OSBPL3: variants seen among roughly 807,000 people sequenced by gnomAD.
The protein encoded by OSBPL3 is oxysterol-binding protein-related protein 3.
In OSBPL3, 65 loss-of-function variants were observed where a neutral mutation model predicts 120.1. That is an observed-to-expected ratio of 0.54 (90% confidence interval 0.44 to 0.67). The LOEUF (loss-of-function observed/expected upper bound fraction) is 0.67, where lower values mean the gene tolerates loss of function less well. Ranked by LOEUF, OSBPL3 falls within the 30% of genes least tolerant of loss-of-function variation. The pLI, the probability that OSBPL3 is intolerant of heterozygous loss-of-function variation, is 0.00. For synonymous variants in OSBPL3, 416 were observed against 402.6 expected, an observed-to-expected ratio of 1.03 and a Z score of -0.40; for missense variants, 1,004 against 1,082.1, an observed-to-expected ratio of 0.93 and a Z score of 1.01.
At position 24,899,098 on chromosome 7, in the gene OSBPL3, G is replaced by A. The variant is rs893348793; in HGVS notation, c.-149-6477C>T. ...CTTTTCTTCTCCAGACTAAACAGCCGCATTGTCATCATCATCCATTTCTTA... is the reference window on the plus strand; with the variant it reads ...CTTTTCTTCTCCAGACTAAACAGCCACATTGTCATCATCATCCATTTCTTA... On this transcript the variant is annotated intron_variant, in intron 1 of 22. Transcript: ENST00000313367. The surrounding 1 kb of genome is among the most constrained non-coding windows in gnomAD (Gnocchi z 4.0). Among the ~76,000 whole-genome samples, 6 of 152,072 alleles carry A rather than the reference G, an allele frequency of 3.9e-5. No individual in the cohort carries two copies. The highest frequency in any genetic ancestry group is 2.1e-4 in the South Asian group (1 of 4,826).
At chr7:24,884,927 G>A (rs1804268869) in intron 2 of OSBPL3, among the ~76,000 whole-genome samples, 1 of 152,154 alleles carries the variant, frequency 6.6e-6, no homozygotes, top group Middle Eastern at 3.4e-3. Context: ...AGCCTATACT[G>A]AATACTGAAA....
Position 24,849,522 on chromosome 7 carries a change from C to T in OSBPL3, c.1159-346G>A, listed in dbSNP as rs1798881667. Among the ~76,000 whole-genome samples, 2 of 152,228 alleles carry T rather than the reference C, an allele frequency of 1.3e-5. No individual in the cohort carries two copies. The highest frequency in any genetic ancestry group is 2.4e-5 in the African/African-American group (1 of 41,456). On this transcript the variant is annotated intron_variant, in intron 11 of 22. Transcript: ENST00000313367. The surrounding 1 kb of genome is among the most constrained non-coding windows in gnomAD (Gnocchi z 5.4). ...GCATCTCCTCCTCCTCCCCAACTGT[C>T]TGGAGTCTCTTTGGCCAAATCCCTT... is the stretch of plus-strand genomic sequence containing the variant.
Position 24,818,410 on chromosome 7 carries a change from G to A in OSBPL3, c.1949-1722C>T, listed in dbSNP as rs1161834186. Among the ~76,000 whole-genome samples, 1 of 152,144 alleles carries A rather than the reference G, an allele frequency of 6.6e-6. No homozygotes were observed. Among genetic ancestry groups the A allele is most frequent in the Non-Finnish European group, 1.5e-5 (1 of 68,026 alleles). On this transcript the variant is annotated intron_variant, in intron 17 of 22. Coordinates refer to ENST00000313367, the MANE Select transcript of OSBPL3 (RefSeq NM_015550.4). The surrounding 1 kb of genome is among the most constrained non-coding windows in gnomAD (Gnocchi z 4.0). ...ATTAACAATGTACTACATGGTTTAT[G>A]ATATACAGAAGACGTATGAAAAAAT...
intron 1 of OSBPL3, among the ~76,000 whole-genome samples, chr7:24,978,914 G>T (rs1817878552): frequency 6.6e-6 from 1 of 152,212 alleles, no homozygotes; most frequent in South Asian, 2.1e-4. Context: ...TGTGCAGAAG[G>T]CAGCAAGCAA....
At position 24,820,109 on chromosome 7, in the gene OSBPL3, C is replaced by T; in HGVS notation, c.1948+66G>A. 1 of 1,207,124 alleles carries T rather than the reference C, an allele frequency of 8.3e-7. No individual in the cohort carries two copies. The highest frequency in any genetic ancestry group is 1.2e-6 in the Non-Finnish European group (1 of 830,162). 74.8% of individuals were successfully genotyped at this position (1,207,124 alleles called of 1,614,324 possible). On this transcript the variant is annotated intron_variant, in intron 17 of 22. Coordinates refer to ENST00000313367, the MANE Select transcript of OSBPL3 (RefSeq NM_015550.4). The surrounding 1 kb of genome is among the most constrained non-coding windows in gnomAD (Gnocchi z 4.6). ...ATCTCAGTAAGAATTGACAGCAATTCTTGGATAAAATAAATAGATAACATA... is the reference window on the plus strand; with the variant it reads ...ATCTCAGTAAGAATTGACAGCAATTTTTGGATAAAATAAATAGATAACATA...
rs1281674140 is a variant in OSBPL3, at chr7:24,831,751, C to T, written c.1747-846G>A. On this transcript the variant is annotated intron_variant, in intron 15 of 22. Coordinates refer to ENST00000313367, the MANE Select transcript of OSBPL3 (RefSeq NM_015550.4). The surrounding 1 kb of genome is among the most constrained non-coding windows in gnomAD (Gnocchi z 4.0). ...AAGATTTCTTCTTCCCAGCACATTTCGTGCAGTTTCTTATACTGAAGAAGA... is the reference window on the plus strand; with the variant it reads ...AAGATTTCTTCTTCCCAGCACATTTTGTGCAGTTTCTTATACTGAAGAAGA... 2.0e-5 allele frequency among the ~76,000 whole-genome samples: 3 copies of T among 152,328 alleles called. No individual in the cohort carries two copies. The highest frequency in any genetic ancestry group is 2.1e-4 in the South Asian group (1 of 4,820).
chr7:24,958,783 G>A (rs770563881), intron 1 of OSBPL3, among the ~76,000 whole-genome samples: 41 of 152,118 alleles, frequency 2.7e-4, no homozygotes, highest in Non-Finnish European at 3.4e-4. Flanking sequence ...CTGCATATGT[G>A]GTTTTCAACT....
At chr7:24,935,235 C>T (rs984645810) in intron 1 of OSBPL3, among the ~76,000 whole-genome samples, 5 of 152,096 alleles carry the variant, frequency 3.3e-5, no homozygotes, top group Non-Finnish European at 7.4e-5. Context: ...GTGTACCCTT[C>T]ACTCAGCACC....
At position 24,863,944 on chromosome 7, in the gene OSBPL3, C is replaced by T. The variant is rs1246228098; in HGVS notation, c.674-345G>A. Among the ~76,000 whole-genome samples the T allele has an allele frequency of 1.3e-5, 2 of 152,208 alleles. No homozygotes were observed. Among genetic ancestry groups the T allele is most frequent in the African/African-American group, 4.8e-5 (2 of 41,456 alleles). On this transcript the variant is annotated intron_variant, in intron 7 of 22. Transcript: ENST00000313367. The surrounding 1 kb of genome is among the most constrained non-coding windows in gnomAD (Gnocchi z 5.8). ...GAGAATTAAATGAGTTGATATTGCA[C>T]AGTTCTTAGAAGAGTGTTTGGCACA... is the stretch of plus-strand genomic sequence containing the variant.
intron 5 of OSBPL3, among the ~76,000 whole-genome samples, chr7:24,866,730 G>A (rs1801372360): frequency 6.6e-6 from 1 of 152,208 alleles, no homozygotes; most frequent in Non-Finnish European, 1.5e-5. Context: ...ATGGGAACAA[G>A]TTTGAGAAAG....
chr7:24,816,757 G>C lies in OSBPL3; in HGVS notation c.1949-69C>G, dbSNP rs747111305. ...GGTAGATGAAATAGTTCCTAGGCTA[G>C]ATAAATGATCAATCGCTATATAGTA... On this transcript the variant is annotated intron_variant, in intron 17 of 22. Coordinates refer to ENST00000313367, the MANE Select transcript of OSBPL3 (RefSeq NM_015550.4). The C allele has an allele frequency of 4.1e-4, 402 of 980,830 alleles. 1 individual carries two copies. The highest frequency in any genetic ancestry group is 6.0e-4 in the Non-Finnish European group (362 of 602,828). The allele number at this position is 980,830 out of a possible 1,614,324, so 60.8% of individuals were successfully genotyped here. A position where few individuals can be genotyped will look rare whatever the true frequency, so the allele number is the denominator to read the frequency against.
In OSBPL3 at chr7:24,802,302, C is replaced by T. The variant is rs1792457896; in HGVS notation, c.2567+2013G>A. On this transcript the variant is annotated intron_variant, in intron 22 of 22. Transcript: ENST00000313367. The surrounding 1 kb of genome is among the most constrained non-coding windows in gnomAD (Gnocchi z 4.1). The stretch of plus-strand genomic sequence containing the variant: ...AGTGTTAATGACAACATCCAAGTCC[C>T]CATATTCCTCTCCAAAATCTCTTTG... Among the ~76,000 whole-genome samples the T allele has an allele frequency of 1.3e-5, 2 of 152,114 alleles. No individual in the cohort carries two copies. Among genetic ancestry groups the T allele is most frequent in the African/African-American group, 4.8e-5 (2 of 41,420 alleles).
In OSBPL3 at chr7:24,808,337, G is replaced by C. The variant is rs1374170773; in HGVS notation, c.2318-1435C>G. On this transcript the variant is annotated intron_variant, in intron 20 of 22. Coordinates refer to ENST00000313367, the MANE Select transcript of OSBPL3 (RefSeq NM_015550.4). The surrounding 1 kb of genome is among the most constrained non-coding windows in gnomAD (Gnocchi z 4.6). ...CCAGTAACCAGGGAGTGAAGATAGT[G>C]CTTTTTCTTAAAGATGGGCCAGGGA... Among the ~76,000 whole-genome samples the C allele has an allele frequency of 1.3e-5, 2 of 152,176 alleles. No individual in the cohort carries two copies. Among genetic ancestry groups the C allele is most frequent in the Admixed American group, 6.5e-5 (1 of 15,272 alleles).
rs372401054 is a variant in OSBPL3 at position 24,872,487 on chromosome 7, G to GTGTGTGTGTGT, written c.97-419_97-418insACACACACACA. 7.0e-6 allele frequency among the ~76,000 whole-genome samples: 1 copy of GTGTGTGTGTGT among 142,978 alleles called. No homozygotes were observed. The highest frequency in any genetic ancestry group is 2.6e-5 in the African/African-American group (1 of 38,858). 93.8% of individuals were successfully genotyped at this position (142,978 alleles called of 152,430 possible). A position where few individuals can be genotyped will look rare whatever the true frequency, so the allele number is the denominator to read the frequency against. On this transcript the variant is annotated intron_variant, in intron 2 of 22. Coordinates refer to ENST00000313367, the MANE Select transcript of OSBPL3 (RefSeq NM_015550.4). The surrounding 1 kb of genome is among the most constrained non-coding windows in gnomAD (Gnocchi z 4.1). ...TGTGTGTGTGTGTGTGTGTGTGTGT[G>GTGTGTGTGTGT]GTGTTGGGGGAAGGAAGTTGGTTTA...
intron 1 of OSBPL3, among the ~76,000 whole-genome samples, chr7:24,971,041 GTA>G (rs1816959011): frequency 6.6e-6 from 1 of 152,220 alleles, no homozygotes. Flanking sequence ...ACCTAGTTAT[GTA>G]TAGATTTCAT....
chr7:24,937,701 T>TGAG lies in OSBPL3; in HGVS notation c.-150+42184_-150+42185insCTC, dbSNP rs1812593093. On this transcript the variant is annotated intron_variant, in intron 1 of 22. Coordinates refer to ENST00000313367, the MANE Select transcript of OSBPL3 (RefSeq NM_015550.4). The surrounding 1 kb of genome is among the most constrained non-coding windows in gnomAD (Gnocchi z 4.0). ...ATCAGGCATAAAACATGAAACACCT[T>TGAG]AAACCTAACTAATTACTTATTACCA... Among the ~76,000 whole-genome samples the TGAG allele has an allele frequency of 6.6e-6, 1 of 152,318 alleles. No homozygotes were observed. Among genetic ancestry groups the TGAG allele is most frequent in the African/African-American group, 2.4e-5 (1 of 41,578 alleles).
At chr7:24,941,038 C>T (rs776643666) in intron 1 of OSBPL3, among the ~76,000 whole-genome samples, 6 of 152,166 alleles carry the variant, frequency 3.9e-5, no homozygotes, top group Non-Finnish European at 8.8e-5. Context: ...CCAGGATTGT[C>T]TCGATCTCCT....
intron 12 of OSBPL3, among the ~76,000 whole-genome samples, chr7:24,842,636 A>T (rs1197431907): frequency 1.3e-5 from 2 of 152,198 alleles, no homozygotes; most frequent in Non-Finnish European, 2.9e-5. Context: ...TCTCACACAC[A>T]TGCAACAAAT....
chr7:24,980,062 G>GCGGGGC lies in OSBPL3; in HGVS notation c.-332_-327dup, dbSNP rs1257809266. 7.1e-6 allele frequency: 7 copies of GCGGGGC among 984,898 alleles called. No homozygotes were observed. In the East Asian group the frequency reaches 8.0e-4, roughly 112 times the overall value. The allele number at this position is 984,898 out of a possible 1,614,324, so 61.0% of individuals were successfully genotyped here. A position where few individuals can be genotyped will look rare whatever the true frequency, so the allele number is the denominator to read the frequency against. On this transcript the variant is annotated 5_prime_UTR_variant, in exon 1 of 23. Coordinates refer to ENST00000313367, the MANE Select transcript of OSBPL3 (RefSeq NM_015550.4). ...GGGGATGGCCACTTGCAGACAGACT[G>GCGGGGC]CGGGGCCGGAGCCGCGCTGCGCACC...
Sources: allele counts gnomAD v4.1 joint callset (sites outside exome capture counted in the v4.1 genomes callset), GRCh38; gene constraint gnomAD v4.1.1; non-coding constraint Gnocchi (gnomAD v3.1); transcripts MANE v1.5; gene names NCBI Gene and HGNC (gene_info 2026-07-23, HGNC 2026-07-21).